The following GLIS3 variants were observed in gnomAD, a reference collection of about 807,000 sequenced individuals.
GLIS3 encodes zinc finger protein GLIS3.
Under a neutral mutation model 78.6 loss-of-function variants are expected in GLIS3, and 53 were observed. That is an observed-to-expected ratio of 0.67 (90% confidence interval 0.54 to 0.85). GLIS3 has a LOEUF of 0.85. Ranked by LOEUF, GLIS3 falls within the 40% of genes least tolerant of loss-of-function variation. The pLI, the probability that GLIS3 is intolerant of heterozygous loss-of-function variation, is 0.00. For missense variants in GLIS3, 1,703 were observed against 1,231.1 expected (o/e 1.38, Z -5.74); for synonymous variants, 684 against 509.9 (o/e 1.34, Z -4.60).
chr9:4,304,740 A>G (rs1175095645), upstream of GLIS3, among the ~76,000 whole-genome samples: 1 of 152,218 alleles, frequency 6.6e-6, no homozygotes, highest in Non-Finnish European at 1.5e-5. Flanking sequence ...AAAGCAATTC[A>G]GTGGCTTTTC....
At chr9:4,256,276 C>A (rs1173293245) in intron 2 of GLIS3, among the ~76,000 whole-genome samples, 1 of 152,110 alleles carries the variant, frequency 6.6e-6, no homozygotes, top group Admixed American at 6.6e-5. Context: ...ATCTTTGTAT[C>A]ATACCATTCA....
chr9:4,021,158 C>CATGTAT lies in GLIS3; in HGVS notation c.1711-83975_1711-83970dup, dbSNP rs58891006. On this transcript the variant is annotated intron_variant, in intron 4 of 10. Coordinates refer to ENST00000381971, the MANE Select transcript of GLIS3 (RefSeq NM_001042413.2). ...ACTATAGTATGCTATAATATCTGTA[C>CATGTAT]ATGTATATGTATATGTATATGTATA... 8.8e-3 allele frequency among the ~76,000 whole-genome samples: 1,318 copies of CATGTAT among 150,590 alleles called. 9 individuals carry two copies. Among genetic ancestry groups the CATGTAT allele is most frequent in the Middle Eastern group, 0.033 (9 of 274 alleles).
intron 2 of GLIS3, among the ~76,000 whole-genome samples, chr9:4,274,744 G>A (rs1179523404): frequency 6.6e-6 from 1 of 152,190 alleles, no homozygotes; most frequent in Non-Finnish European, 1.5e-5. Flanking sequence ...CCTGTGCAGT[G>A]ACTGCTCACA....
chr9:4,069,646 G>C (rs1277763843), intron 4 of GLIS3, among the ~76,000 whole-genome samples: 1 of 152,046 alleles, frequency 6.6e-6, no homozygotes, highest in Non-Finnish European at 1.5e-5. Context: ...AGATTGAGGT[G>C]AGAAGTGCCT....
intron 2 of GLIS3, among the ~76,000 whole-genome samples, chr9:4,174,890 C>A (rs1227258496): frequency 6.6e-6 from 1 of 152,184 alleles, no homozygotes; most frequent in African/African-American, 2.4e-5. Context: ...AACAACACGC[C>A]TGCAAGAATC....
At chr9:4,180,408 G>A (rs1381925501) in intron 2 of GLIS3, among the ~76,000 whole-genome samples, 2 of 152,286 alleles carry the variant, frequency 1.3e-5, no homozygotes, top group East Asian at 3.9e-4. Context: ...GCAGGCTTGG[G>A]CTGTTTAGCT....
intron 2 of GLIS3, among the ~76,000 whole-genome samples, chr9:4,283,953 A>G (rs759756124): frequency 1.3e-5 from 2 of 152,242 alleles, no homozygotes; most frequent in Non-Finnish European, 2.9e-5. Context: ...TAGGAAGCTG[A>G]GCAAGGAAAC....
rs9987971 is a variant in GLIS3 at position 3,980,480 on chromosome 9, G to A, written c.1711-43291C>T. Among the ~76,000 whole-genome samples the A allele has an allele frequency of 7.2e-4, 110 of 152,278 alleles. 1 individual carries two copies. The highest frequency in any genetic ancestry group is 2.5e-3 in the African/African-American group (105 of 41,562). Reference sequence around the variant, plus strand: ...TGCCAAGTCATTTTAATTCAAATTTGATGGAGCTGCCACAGCACTGGTATT... The same window carrying A: ...TGCCAAGTCATTTTAATTCAAATTTAATGGAGCTGCCACAGCACTGGTATT... On this transcript the variant is annotated intron_variant, in intron 4 of 10. Transcript: ENST00000381971.
At chr9:4,110,975 A>C (rs1000001697) in intron 4 of GLIS3, among the ~76,000 whole-genome samples, 3 of 152,216 alleles carry the variant, frequency 2.0e-5, no homozygotes, top group Non-Finnish European at 4.4e-5. Context: ...CGACCACTCA[A>C]AGAAAAGGTA....
intron 2 of GLIS3, among the ~76,000 whole-genome samples, chr9:4,327,879 G>C (rs1246220069): frequency 6.6e-6 from 1 of 152,214 alleles, no homozygotes; most frequent in Non-Finnish European, 1.5e-5. Flanking sequence ...CAGAAGCCCA[G>C]TGGAATCAAG....
At chr9:3,944,595 G>C (rs1412864708) in intron 4 of GLIS3, among the ~76,000 whole-genome samples, 2 of 152,184 alleles carry the variant, frequency 1.3e-5, no homozygotes, top group Admixed American at 1.3e-4. Flanking sequence ...TTGTTTATTA[G>C]CACTGATTTC....
chr9:4,073,241 G>A (rs1462428325), intron 4 of GLIS3, among the ~76,000 whole-genome samples: 9 of 152,212 alleles, frequency 5.9e-5, no homozygotes, highest in Non-Finnish European at 2.9e-5. Context: ...GGCTAGCATA[G>A]AGCACTGACG....
At chr9:4,403,363 T>C in the GLIS3 span, among the ~76,000 whole-genome samples, 22 of 152,170 alleles carry the variant, frequency 1.4e-4, no homozygotes, top group African/African-American at 4.8e-4. Context: ...AGAAATCATC[T>C]GAAGGTAAAA....
chr9:3,859,262 T>C (rs567537924), intron 8 of GLIS3, among the ~76,000 whole-genome samples: 37 of 152,206 alleles, frequency 2.4e-4, no homozygotes, highest in Admixed American at 8.5e-4. Context: ...AAAAATAAAC[T>C]GTTTTCACTA....
rs1827994089 is a variant in GLIS3 at position 4,286,310 on chromosome 9, C to T, written c.116G>A (p.Gly39Asp). 5 of 1,614,220 alleles carry T rather than the reference C, an allele frequency of 3.1e-6. No homozygotes were observed. Among genetic ancestry groups the T allele is most frequent in the Non-Finnish European group, 4.2e-6 (5 of 1,180,038 alleles). ...PAIRAHSGTPGPSPCGSTSSP... is the reference protein window; with the variant it reads ...PAIRAHSGTPDPSPCGSTSSP... ...CGATGTGCTGCCACAGGGCGAGGGG[C>T]CAGGAGTCCCGGAGTGGGCTCGGAT... Residue 39 changes from glycine to aspartate, a missense_variant, in exon 2 of 11, where the codon GGC becomes GAC. By Grantham distance (94) the Gly-to-Asp change is moderately conservative. Transcript: ENST00000381971.
chr9:4,070,491 C>A (rs1268423879), intron 4 of GLIS3, among the ~76,000 whole-genome samples: 1 of 151,818 alleles, frequency 6.6e-6, no homozygotes, highest in Admixed American at 6.6e-5. Context: ...TGTGTGTGTG[C>A]ATGTGCGTAA....
At chr9:4,251,221 C>G (rs1202917908) in intron 2 of GLIS3, among the ~76,000 whole-genome samples, 1 of 152,120 alleles carries the variant, frequency 6.6e-6, no homozygotes, top group African/African-American at 2.4e-5. Flanking sequence ...TAGTCTCCCA[C>G]TACTATTATT....
intron 4 of GLIS3, among the ~76,000 whole-genome samples, chr9:4,025,908 A>G (rs777905226): frequency 1.2e-4 from 19 of 152,182 alleles, no homozygotes; most frequent in Non-Finnish European, 2.8e-4. Context: ...AATAATCAAT[A>G]GATTATTGAG....
In GLIS3 at chr9:4,191,660, C is replaced by A. The variant is rs190619295; in HGVS notation, c.389-65719G>T. ...AAATGATACAGAGCCTGGCCTTCTG[C>A]CTTACAGTTAGAAAGCATTTTAATA... On this transcript the variant is annotated intron_variant, in intron 2 of 10. Transcript: ENST00000381971. 3.9e-5 allele frequency among the ~76,000 whole-genome samples: 6 copies of A among 152,154 alleles called. No homozygotes were observed. In the East Asian group the frequency reaches 1.2e-3, roughly 29 times the overall value.
Sources: allele counts gnomAD v4.1 joint callset (sites outside exome capture counted in the v4.1 genomes callset), GRCh38; gene constraint gnomAD v4.1.1; transcripts MANE v1.5; gene names NCBI Gene and HGNC (gene_info 2026-07-23, HGNC 2026-07-21).